UTP15: variants seen among roughly 807,000 people sequenced by gnomAD.
UTP15 encodes the protein UTP15 small subunit processome component, also known as U3 small nucleolar RNA-associated protein 15 homolog.
A neutral mutation model predicts 59.1 loss-of-function variants in UTP15; 5 were observed. That is an observed-to-expected ratio of 0.08 (90% CI 0.04 to 0.18). The LOEUF (loss-of-function observed/expected upper bound fraction) is 0.18. Among genes scored for constraint, UTP15 ranks in the 10% least tolerant of loss-of-function variants. The pLI, the probability that UTP15 is intolerant of heterozygous loss-of-function variation, is 1.00. For missense variants in UTP15, 494 were observed against 616.7 expected, an observed-to-expected ratio of 0.80 and a Z score of 2.11; for synonymous variants, 211 against 212.2, an observed-to-expected ratio of 0.99 and a Z score of 0.05.
At chr5:73,572,659 G>A (rs1659685901) in intron 7 of UTP15, 35 bp downstream of exon 7, 1 of 1,586,558 alleles carries the variant, frequency 6.3e-7, no homozygotes, top group Non-Finnish European at 8.6e-7. Context: ...ATTATTATTA[G>A]TGTACACCTG....
chr5:73,577,504 T>C (rs924023006), intron 8 of UTP15, among the ~76,000 whole-genome samples: 5 of 152,184 alleles, frequency 3.3e-5, no homozygotes, highest in Admixed American at 1.3e-4. Flanking sequence ...GACTATATTA[T>C]ATAGAAATCT....
At chr5:73,579,427 T>A in intron 12 of UTP15, 52 bp downstream of exon 12, 1 of 1,359,596 alleles carries the variant, frequency 7.4e-7, no homozygotes. Context: ...AAAGTAGAGA[T>A]GTCAAATAAT....
intron 7 of UTP15, among the ~76,000 whole-genome samples, chr5:73,576,431 G>A (rs1748096113): frequency 6.6e-6 from 1 of 150,938 alleles, no homozygotes; most frequent in Non-Finnish European, 1.5e-5. Flanking sequence ...TAAGTGGCTA[G>A]TCAAAGTTTT....
rs1025763203 is a variant in UTP15, at chr5:73,565,838, G to T, written c.-158G>T. 2.6e-5 allele frequency: 12 copies of T among 456,222 alleles called. No individual in the cohort carries two copies. The highest frequency in any genetic ancestry group is 1.8e-4 in the African/African-American group (9 of 50,094). The allele number at this position is 456,222 out of a possible 1,614,324, so 28.3% of individuals were successfully genotyped here. A position where few individuals can be genotyped will look rare whatever the true frequency, so the allele number is the denominator to read the frequency against. On this transcript the variant is annotated 5_prime_UTR_variant, in exon 1 of 13. Transcript: ENST00000296792. ...CGCCAGTGCTGCTGAACTGTGCAGG[G>T]TAGGGAGCTGGCACAGTCCGATTAA...
rs1369299776 is a variant in UTP15 at position 73,582,370 on chromosome 5, A to T, written c.*2276A>T. 8 of 152,288 alleles carry T rather than the reference A, an allele frequency of 5.3e-5. No individual in the cohort carries two copies. The East Asian group carries it at 1.5e-3, about 29-fold the overall frequency. 9.4% of individuals were successfully genotyped at this position (152,288 alleles called of 1,614,324 possible). A position where few individuals can be genotyped will look rare whatever the true frequency, so the allele number is the denominator to read the frequency against. On this transcript the variant is annotated 3_prime_UTR_variant, in exon 13 of 13. Coordinates refer to ENST00000296792, the MANE Select transcript of UTP15 (RefSeq NM_032175.4). ...GCCATCAATACTTAAATTCAGGAGT[A>T]CTTTTTTGTTTGTTTGTTTTGTTTT...
In UTP15 at chr5:73,569,558, T is replaced by C; in HGVS notation, c.430T>C (p.Tyr144His). The C allele has an allele frequency of 1.2e-6, 2 of 1,613,864 alleles. No homozygotes were observed. Among genetic ancestry groups the C allele is most frequent in the Non-Finnish European group, 1.7e-6 (2 of 1,179,866 alleles). ...TCACGTGGTCTCTGGGGCTGATGAT[T>C]ATACAGTTAAATTATGGGATATTCC... ...KYHVVSGADDYTVKLWDIPNS... is the reference protein window; with the variant it reads ...KYHVVSGADDHTVKLWDIPNS... The change falls in exon 5 of 13, where the codon TAT becomes CAT. Residue 144 changes from tyrosine (Y) to histidine (H), a missense_variant. Transcript: ENST00000296792.
rs774721933 is a variant in UTP15 at position 73,581,712 on chromosome 5, T to C, written c.*1618T>C. Reference sequence around the variant, plus strand: ...AATAAACGTATTAAGTTTAACATATTAAATTAATTTAACATTTAGACTAAC... The same window carrying C: ...AATAAACGTATTAAGTTTAACATATCAAATTAATTTAACATTTAGACTAAC... On this transcript the variant is annotated 3_prime_UTR_variant, in exon 13 of 13. Transcript: ENST00000296792. 9 of 151,836 alleles carry C rather than the reference T, an allele frequency of 5.9e-5. No homozygotes were observed. Among genetic ancestry groups the C allele is most frequent in the Non-Finnish European group, 1.2e-4 (8 of 67,978 alleles). 9.4% of individuals were successfully genotyped at this position (151,836 alleles called of 1,614,324 possible).
rs1711521229 is a variant in UTP15, at chr5:73,580,101, C to G, written c.*7C>G. ...TAAGAAGATAGAATCATAGTGTCTG[C>G]TAAATAAGACATATAAGAACTCTGA... is the stretch of plus-strand genomic sequence containing the variant. On this transcript the variant is annotated 3_prime_UTR_variant, in exon 13 of 13. Coordinates refer to ENST00000296792, the MANE Select transcript of UTP15 (RefSeq NM_032175.4). 6.2e-7 allele frequency: 1 copy of G among 1,605,050 alleles called. No homozygotes were observed. The highest frequency in any genetic ancestry group is 2.2e-5 in the East Asian group (1 of 44,732).
rs191661205 is a variant in UTP15 at position 73,581,582 on chromosome 5, T to C, written c.*1488T>C. The C allele has an allele frequency of 7.2e-4, 110 of 152,224 alleles. No homozygotes were observed. Among genetic ancestry groups the C allele is most frequent in the African/African-American group, 2.4e-3 (100 of 41,546 alleles). The allele number at this position is 152,224 out of a possible 1,614,324, so 9.4% of individuals were successfully genotyped here. A position where few individuals can be genotyped will look rare whatever the true frequency, so the allele number is the denominator to read the frequency against. On this transcript the variant is annotated 3_prime_UTR_variant, in exon 13 of 13. Coordinates refer to ENST00000296792, the MANE Select transcript of UTP15 (RefSeq NM_032175.4). ...AAGATTTTGTAATGCGAATCTCCTC[T>C]CATAATTTTAGTTCTGTAAATTCAG...
intron 2 of UTP15, among the ~76,000 whole-genome samples, 167 bp from the exon 3 acceptor site, chr5:73,568,068 T>C (rs1323940268): frequency 6.6e-6 from 1 of 152,188 alleles, no homozygotes; most frequent in African/African-American, 2.4e-5. Context: ...AAGAATAGTC[T>C]GGGTGATGAG....
At chr5:73,576,219 C>T (rs1479112480) in intron 7 of UTP15, among the ~76,000 whole-genome samples, 4 of 151,804 alleles carry the variant, frequency 2.6e-5, no homozygotes, top group African/African-American at 7.2e-5. Context: ...ATTCTCATGC[C>T]TCAGCCTCCT....
At chr5:73,577,801 G>A in intron 8 of UTP15, 55 bp from the exon 9 acceptor site, 3 of 1,455,498 alleles carry the variant, frequency 2.1e-6, no homozygotes, top group East Asian at 2.4e-5. Flanking sequence ...TGAAGTAAAA[G>A]TACTATAAAT....
intron 6 of UTP15, among the ~76,000 whole-genome samples, chr5:73,571,763 C>CT (rs1364590440): frequency 1.3e-5 from 2 of 151,920 alleles, no homozygotes; most frequent in Non-Finnish European, 2.9e-5. Flanking sequence ...TAGCAAGACT[C>CT]TAAGACTCCA....
chr5:73,577,066 T>C (rs1385070718), intron 8 of UTP15, 30 bp downstream of exon 8: 2 of 1,416,610 alleles, frequency 1.4e-6, no homozygotes, highest in Non-Finnish European at 9.7e-7. Flanking sequence ...TTTAAGTCTG[T>C]CACTAACCCT....
intron 7 of UTP15, among the ~76,000 whole-genome samples, chr5:73,575,113 TC>T (rs1748052672): frequency 6.6e-6 from 1 of 152,250 alleles, no homozygotes; most frequent in Non-Finnish European, 1.5e-5. Flanking sequence ...GTTGGTTGAA[TC>T]TGCAGATGTG....
chr5:73,579,254 T>C (rs1748223117), intron 11 of UTP15, 63 bp from the exon 12 acceptor site: 1 of 1,594,134 alleles, frequency 6.3e-7, no homozygotes, highest in Admixed American at 1.8e-5. Context: ...ATGAAACAAA[T>C]CTGTTTTAAG....
At chr5:73,571,631 T>C (rs1038260750) in intron 6 of UTP15, among the ~76,000 whole-genome samples, 2 of 151,838 alleles carry the variant, frequency 1.3e-5, no homozygotes, top group Non-Finnish European at 2.9e-5. Flanking sequence ...CCCCAGTACC[T>C]ATTTGATTTA....
In UTP15 at chr5:73,576,981, A is replaced by G. The variant is rs1229527759; in HGVS notation, c.839A>G (p.Tyr280Cys). The G allele has an allele frequency of 6.2e-7, 1 of 1,610,224 alleles. No homozygotes were observed. The highest frequency in any genetic ancestry group is 8.5e-7 in the Non-Finnish European group (1 of 1,179,110). Residue 280 changes from tyrosine (Y) to cysteine (C), a missense_variant, in exon 8 of 13, where the codon TAC becomes TGC. Tyr to Cys is a radical substitution (Grantham distance 194, BLOSUM62 -2). Coordinates refer to ENST00000296792, the MANE Select transcript of UTP15 (RefSeq NM_032175.4). ...RKVKVYSTTSYKVVHSFDYAA... is the reference protein window; with the variant it reads ...RKVKVYSTTSCKVVHSFDYAA... ...GTGAAAGTATACAGCACAACTTCCT[A>G]CAAAGTAGTCCACAGTTTTGATTAT... is the stretch of plus-strand genomic sequence containing the variant.
intron 6 of UTP15, 114 bp downstream of exon 6, chr5:73,570,825 T>G (rs1747910856): frequency 1.2e-5 from 17 of 1,429,800 alleles, no homozygotes; most frequent in Non-Finnish European, 1.4e-5. Flanking sequence ...TCTAAGTCTT[T>G]GTTCAAACAG....
Sources: gnomAD v4.1 joint callset for allele counts (sites outside exome capture counted in the v4.1 genomes callset) on GRCh38, gnomAD v4.1.1 for gene constraint, MANE v1.5 for transcripts, NCBI Gene and HGNC (gene_info 2026-07-23, HGNC 2026-07-21) for gene names.